SMOC2: variants seen among roughly 807,000 people sequenced by gnomAD.
SMOC2 encodes the protein SPARC related modular calcium binding 2, also known as SPARC-related modular calcium-binding protein 2.
Under a neutral mutation model 61.4 loss-of-function variants are expected in SMOC2, and 39 were observed. That is an observed-to-expected ratio of 0.64 (90% confidence interval 0.49 to 0.83). SMOC2 has a LOEUF of 0.83. SMOC2 is among the 40% of genes least tolerant of loss of function. The pLI is 0.00. For synonymous variants in SMOC2, 247 were observed against 239.9 expected (o/e 1.03, Z -0.27); for missense variants, 556 against 592.9 (o/e 0.94, Z 0.65).
intron 1 of SMOC2, among the ~76,000 whole-genome samples, chr6:168,501,871 C>T (rs1228933028): frequency 1.3e-5 from 2 of 152,206 alleles, no homozygotes; most frequent in Admixed American, 6.5e-5. Flanking sequence ...GAGGGGCTGC[C>T]TCGCCCTGGC....
intron 2 of SMOC2, among the ~76,000 whole-genome samples, chr6:168,519,774 G>C (rs1457297144): frequency 6.6e-6 from 1 of 152,130 alleles, no homozygotes; most frequent in Non-Finnish European, 1.5e-5. Context: ...ATTTCGATCT[G>C]TTGCAAATCA....
intron 9 of SMOC2, among the ~76,000 whole-genome samples, chr6:168,632,885 C>T (rs1212136049): frequency 1.3e-5 from 2 of 152,178 alleles, no homozygotes; most frequent in East Asian, 1.9e-4. Flanking sequence ...GACCTCTATT[C>T]AGAGATGGGG....
chr6:168,598,486 T>G (rs1408409504), intron 7 of SMOC2, among the ~76,000 whole-genome samples: 1 of 151,896 alleles, frequency 6.6e-6, no homozygotes, highest in South Asian at 2.1e-4. Flanking sequence ...CATTCAGGAG[T>G]CCTGTGGGCA....
chr6:168,536,679 A>T (rs1281043599), intron 4 of SMOC2, among the ~76,000 whole-genome samples: 1 of 151,952 alleles, frequency 6.6e-6, no homozygotes, highest in Non-Finnish European at 1.5e-5. Flanking sequence ...GAGAGGGGAG[A>T]TGAGGTGGGA....
At chr6:168,464,929 G>A (rs1233436627) in intron 1 of SMOC2, among the ~76,000 whole-genome samples, 1 of 152,086 alleles carries the variant, frequency 6.6e-6, no homozygotes, top group Admixed American at 6.5e-5. Flanking sequence ...CCTTCCAGGG[G>A]TGGCTCCAGG....
intron 2 of SMOC2, 78 bp from the exon 3 acceptor site, chr6:168,526,268 A>C (rs927830248): frequency 3.0e-6 from 4 of 1,342,072 alleles, no homozygotes; most frequent in South Asian, 1.2e-5. Context: ...TCATGCCTTC[A>C]CATCTTTCAA....
intron 7 of SMOC2, among the ~76,000 whole-genome samples, chr6:168,558,741 C>T (rs888837360): frequency 2.6e-5 from 4 of 152,184 alleles, no homozygotes; most frequent in Non-Finnish European, 2.9e-5. Flanking sequence ...TGAGGCTCTT[C>T]CCTGAATGTG....
chr6:168,627,075 G>A (rs76579950), intron 9 of SMOC2, among the ~76,000 whole-genome samples: 3,099 of 152,252 alleles, frequency 0.02, 56 homozygotes, highest in Non-Finnish European at 0.035. Flanking sequence ...CTAGATATTT[G>A]TAAAAATCTA....
intron 7 of SMOC2, among the ~76,000 whole-genome samples, chr6:168,577,781 G>C (rs1212744156): frequency 6.6e-6 from 1 of 152,220 alleles, no homozygotes; most frequent in Admixed American, 6.5e-5. Context: ...TGAGACCCTG[G>C]AGGTGACGAG....
intron 10 of SMOC2, among the ~76,000 whole-genome samples, chr6:168,651,438 A>G (rs1787189235): frequency 6.6e-6 from 1 of 152,160 alleles, no homozygotes; most frequent in Admixed American, 6.5e-5. Context: ...AGGAGAGCAG[A>G]AGAACCCCAG....
chr6:168,567,971 A>C (rs9456198), intron 7 of SMOC2, among the ~76,000 whole-genome samples: 1,938 of 123,798 alleles, frequency 0.016, 21 homozygotes, highest in Non-Finnish European at 0.019. Flanking sequence ...AGATGAGCAG[A>C]CACAGGCGAA....
intron 9 of SMOC2, among the ~76,000 whole-genome samples, chr6:168,621,998 C>T (rs372450720): frequency 2.6e-5 from 4 of 152,020 alleles, no homozygotes; most frequent in African/African-American, 9.7e-5. Flanking sequence ...TGGAGTCTCG[C>T]TCTGTGGCCC....
In SMOC2 at chr6:168,580,728, T is replaced by C. The variant is rs555127346; in HGVS notation, c.638-18090T>C. Among the ~76,000 whole-genome samples the C allele has an allele frequency of 5.5e-4, 83 of 152,174 alleles. 1 individual carries two copies. The highest frequency in any genetic ancestry group is 2.7e-3 in the South Asian group (13 of 4,806). On this transcript the variant is annotated intron_variant, in intron 7 of 12. Coordinates refer to ENST00000356284, the MANE Select transcript of SMOC2 (RefSeq NM_001166412.2). ...GGCTGATTTTTTTCGTTTTTCATAG[T>C]GATGAGGTCTTAGTATGTTGCCCAG...
intron 1 of SMOC2, among the ~76,000 whole-genome samples, chr6:168,471,011 A>T (rs1781956735): frequency 1.3e-5 from 2 of 152,348 alleles, no homozygotes; most frequent in Non-Finnish European, 1.5e-5. Flanking sequence ...ATTTTATTAC[A>T]TCTGCTAAAT....
chr6:168,632,441 G>T (rs143127108), intron 9 of SMOC2, among the ~76,000 whole-genome samples: 1 of 152,228 alleles, frequency 6.6e-6, no homozygotes, highest in African/African-American at 2.4e-5. Context: ...CAAAGGAAGT[G>T]CTTTCACTCT....
chr6:168,609,206 T>C (rs1785790026), intron 9 of SMOC2, among the ~76,000 whole-genome samples: 3 of 152,208 alleles, frequency 2.0e-5, no homozygotes, highest in Admixed American at 1.3e-4. Context: ...AGCACAGTTA[T>C]TCTGCCAGCT....
chr6:168,615,235 C>T (rs187381606), intron 9 of SMOC2, among the ~76,000 whole-genome samples: 2 of 97,274 alleles, frequency 2.1e-5, no homozygotes, highest in Non-Finnish European at 4.3e-5. Flanking sequence ...CACGGGGCCT[C>T]TTCACACCTA....
chr6:168,487,773 G>T (rs1782368866), intron 1 of SMOC2, among the ~76,000 whole-genome samples: 1 of 152,144 alleles, frequency 6.6e-6, no homozygotes. Flanking sequence ...AAAGTACTGG[G>T]ATTACAGGCA....
chr6:168,459,220 A>G (rs1781660415), intron 1 of SMOC2, among the ~76,000 whole-genome samples: 1 of 152,180 alleles, frequency 6.6e-6, no homozygotes, highest in Non-Finnish European at 1.5e-5. Flanking sequence ...TCATCAGTGC[A>G]AGTTCTGTCA....
Sources: gnomAD v4.1 joint callset for allele counts (sites outside exome capture counted in the v4.1 genomes callset) on GRCh38, gnomAD v4.1.1 for gene constraint, MANE v1.5 for transcripts, NCBI Gene and HGNC (gene_info 2026-07-23, HGNC 2026-07-21) for gene names.